Variants in TADA2A observed in about 807,000 individuals in gnomAD.
The protein encoded by TADA2A is transcriptional adaptor 2A.
Under a neutral mutation model 67.4 loss-of-function variants are expected in TADA2A, and 38 were observed. The observed-to-expected ratio is 0.56, with a 90% CI of 0.44 to 0.74. The LOEUF (loss-of-function observed/expected upper bound fraction) is 0.74. TADA2A is among the 30% of genes least tolerant of loss of function. TADA2A has a pLI of 0.00. For missense variants in TADA2A, 454 were observed against 547.0 expected, an observed-to-expected ratio of 0.83 and a Z score of 1.70; for synonymous variants, 192 against 181.6, an observed-to-expected ratio of 1.06 and a Z score of -0.46.
At chr17:37,429,209 G>A (rs2052500437) in intron 4 of TADA2A, among the ~76,000 whole-genome samples, 1 of 151,938 alleles carries the variant, frequency 6.6e-6, no homozygotes, top group African/African-American at 2.4e-5. Context: ...TAAAGTGCTG[G>A]GATTACAGGT....
chr17:37,466,422 A>G (rs2053666337), intron 11 of TADA2A, among the ~76,000 whole-genome samples: 1 of 152,204 alleles, frequency 6.6e-6, no homozygotes, highest in Non-Finnish European at 1.5e-5. Flanking sequence ...CCTGTTTCAA[A>G]ACAAAATATG....
chr17:37,465,749 G>C (rs1445051600), intron 11 of TADA2A: 5 of 728,738 alleles, frequency 6.9e-6, no homozygotes, highest in Non-Finnish European at 1.1e-5. Flanking sequence ...CATTGCCCCA[G>C]ATAAACAATA....
chr17:37,439,955 T>A (rs1463023086), intron 5 of TADA2A, among the ~76,000 whole-genome samples: 1 of 146,778 alleles, frequency 6.8e-6, no homozygotes, highest in African/African-American at 2.5e-5. Flanking sequence ...ATTTTTTTTT[T>A]TTTTTGAGAT....
chr17:37,457,540 C>G (rs2053430042), intron 8 of TADA2A, among the ~76,000 whole-genome samples: 1 of 137,704 alleles, frequency 7.3e-6, no homozygotes, highest in African/African-American at 2.8e-5. Flanking sequence ...TCTGTTGCCC[C>G]AGGCTGGAGT....
chr17:37,415,354 A>T (rs189897380), intron 2 of TADA2A, among the ~76,000 whole-genome samples: 1 of 152,170 alleles, frequency 6.6e-6, no homozygotes, highest in Non-Finnish European at 1.5e-5. Flanking sequence ...TTATAGTTGC[A>T]TAATACTTCA....
At chr17:37,463,414 T>A (rs2053592124) in intron 10 of TADA2A, among the ~76,000 whole-genome samples, 1 of 151,776 alleles carries the variant, frequency 6.6e-6, no homozygotes, top group African/African-American at 2.4e-5. Flanking sequence ...CATCGTAGGG[T>A]TCAGTCAACA....
intron 2 of TADA2A, among the ~76,000 whole-genome samples, chr17:37,416,195 C>T (rs571290313): frequency 4.0e-5 from 6 of 150,906 alleles, no homozygotes; most frequent in African/African-American, 1.5e-4. Flanking sequence ...CTCGGCTCAC[C>T]GTAACCTCTG....
chr17:37,460,983 A>T (rs2053534105), intron 9 of TADA2A, among the ~76,000 whole-genome samples: 1 of 151,662 alleles, frequency 6.6e-6, no homozygotes, highest in Non-Finnish European at 1.5e-5. Flanking sequence ...AAAGCAAAAG[A>T]AAAAAAAGGG....
chr17:37,445,751 C>T (rs981162547), intron 8 of TADA2A, among the ~76,000 whole-genome samples: 3 of 150,432 alleles, frequency 2.0e-5, no homozygotes, highest in Non-Finnish European at 4.5e-5. Flanking sequence ...CATAATAATA[C>T]CCAATACTTT....
intron 15 of TADA2A, among the ~76,000 whole-genome samples, chr17:37,476,362 A>G (rs1344833551): frequency 6.6e-6 from 1 of 152,218 alleles, no homozygotes; most frequent in Non-Finnish European, 1.5e-5. Flanking sequence ...TTATGCTGAC[A>G]CTAAAAACAA....
intron 6 of TADA2A, 141 bp downstream of exon 6, chr17:37,440,803 A>G (rs960439503): frequency 2.7e-6 from 3 of 1,122,820 alleles, no homozygotes; most frequent in Non-Finnish European, 3.8e-6. Flanking sequence ...AGCTATTGAG[A>G]GTCAGGATCG....
intron 1 of TADA2A, among the ~76,000 whole-genome samples, chr17:37,408,752 G>A (rs1186966136): frequency 6.6e-6 from 1 of 152,158 alleles, no homozygotes; most frequent in African/African-American, 2.4e-5. Context: ...TTATTTGATT[G>A]CTGCGTTCGT....
At chr17:37,464,371 T>G (rs953831816) in intron 10 of TADA2A, among the ~76,000 whole-genome samples, 2 of 152,182 alleles carry the variant, frequency 1.3e-5, no homozygotes. Context: ...GAAATCACAC[T>G]TTTTCTCAGC....
chr17:37,438,134 A>G (rs150256858), intron 5 of TADA2A: 261 of 227,206 alleles, frequency 1.1e-3, no homozygotes, highest in African/African-American at 5.6e-3. Flanking sequence ...TTCGTTAGTT[A>G]TTACTCCCTT....
intron 8 of TADA2A, chr17:37,454,398 C>G (rs1341365985): frequency 6.6e-6 from 1 of 150,642 alleles, no homozygotes; most frequent in Non-Finnish European, 1.5e-5. Flanking sequence ...CGCGTTCAAG[C>G]AATTCTCTGC....
intron 3 of TADA2A, among the ~76,000 whole-genome samples, chr17:37,425,227 A>G (rs546006005): frequency 3.3e-5 from 5 of 152,300 alleles, no homozygotes; most frequent in African/African-American, 1.2e-4. Context: ...ATTACAGGAA[A>G]CATAACTGGA....
At chr17:37,453,164 T>A (rs2053279313) in intron 8 of TADA2A, among the ~76,000 whole-genome samples, 1 of 152,240 alleles carries the variant, frequency 6.6e-6, no homozygotes, top group Admixed American at 6.5e-5. Context: ...ATCCTTCAGA[T>A]GAGAACATGT....
At chr17:37,427,103 G>A in intron 4 of TADA2A, 94 bp downstream of exon 4, 1 of 1,010,008 alleles carries the variant, frequency 9.9e-7, no homozygotes, top group Non-Finnish European at 1.4e-6. Context: ...AAGCTCTCTT[G>A]GACTTCAGGG....
intron 5 of TADA2A, chr17:37,438,082 A>G: frequency 2.6e-6 from 1 of 388,448 alleles, no homozygotes; most frequent in Non-Finnish European, 4.6e-6. Context: ...AACAGTGGGA[A>G]GATTGATTAT....
Sources: gnomAD v4.1 joint callset for allele counts (sites outside exome capture counted in the v4.1 genomes callset) on GRCh38, gnomAD v4.1.1 for gene constraint, MANE v1.5 for transcripts, NCBI Gene and HGNC (gene_info 2026-07-23, HGNC 2026-07-21) for gene names.